Variants in VPS13C observed in about 807,000 individuals in gnomAD.
VPS13C encodes the protein vacuolar protein sorting 13 homolog C, also known as intermembrane lipid transfer protein VPS13C.
In VPS13C, 358 loss-of-function variants were observed where a neutral mutation model predicts 456.8. That is an observed-to-expected ratio of 0.78 (90% CI 0.72 to 0.86). The LOEUF is 0.86. Among genes scored for constraint, VPS13C ranks in the 40% least tolerant of loss-of-function variants. VPS13C has a pLI of 0.00. For synonymous variants in VPS13C, 1,578 were observed against 1,486.7 expected (o/e 1.06, Z -1.41); for missense variants, 4,818 against 4,385.4 (o/e 1.10, Z -2.79).
At chr15:62,012,017 A>G (rs1472820461) in intron 12 of VPS13C, 90 bp downstream of exon 12, 2 of 784,854 alleles carry the variant, frequency 2.5e-6, no homozygotes, top group Non-Finnish European at 4.1e-6. Context: ...TACTTTGACT[A>G]AGTAAGTTTA....
intron 53 of VPS13C, among the ~76,000 whole-genome samples, chr15:61,924,159 G>A (rs868027710): frequency 3.8e-4 from 58 of 151,756 alleles, no homozygotes; most frequent in Admixed American, 1.3e-3. Flanking sequence ...AGGCCACCGC[G>A]CCCGGCCACC....
chr15:61,993,320 C>T (rs2046282572), intron 16 of VPS13C, among the ~76,000 whole-genome samples: 1 of 151,928 alleles, frequency 6.6e-6, no homozygotes, highest in African/African-American at 2.4e-5. Flanking sequence ...TTCTTAGCTA[C>T]CATAAAAATT....
At chr15:61,981,219 C>A (rs1489922505) in intron 22 of VPS13C, 123 bp downstream of exon 22, 1 of 1,190,278 alleles carries the variant, frequency 8.4e-7, no homozygotes, top group Non-Finnish European at 1.1e-6. Flanking sequence ...GCTTGAAACA[C>A]AGGCTAAAAA....
intron 81 of VPS13C, chr15:61,866,705 A>C: frequency 2.0e-6 from 2 of 985,186 alleles, no homozygotes; most frequent in Non-Finnish European, 2.4e-6. Context: ...TTGGTCCCTT[A>C]AGGACAGAAG....
rs372135889 is a variant in VPS13C, at chr15:61,967,209, A to G, written c.2991+159T>C. 3.9e-5 allele frequency among the ~76,000 whole-genome samples: 6 copies of G among 152,130 alleles called. No individual in the cohort carries two copies. The South Asian group carries it at 1.2e-3, about 32-fold the overall frequency. ...TAATAATAGCCCCGTACTTAAGTGA[A>G]AGAAAAGAAGGTGTACAAATGAAAA... On this transcript the variant is annotated intron_variant, in intron 29 of 84. Transcript: ENST00000644861.
Position 62,028,369 on chromosome 15 carries a change from T to C in VPS13C, c.437A>G (p.Asp146Gly), listed in dbSNP as rs1347461520. Reference sequence around the variant, plus strand: ...CCATGCATACCCACCAGGCTTGATGTCCTTGTAAACAAAGTTCTCCAAGCC... The same window carrying C: ...CCATGCATACCCACCAGGCTTGATGCCCTTGTAAACAAAGTTCTCCAAGCC... Reference protein sequence around the residue: ...IYGLENFVYKDIKPGRKRKKH... With the variant: ...IYGLENFVYKGIKPGRKRKKH... Residue 146 changes from aspartate (D) to glycine (G), a missense_variant, in exon 6 of 85, where the codon GAC becomes GGC. By Grantham distance (94) the Asp-to-Gly change is moderately conservative. This residue lies in a region of VPS13C where 4,552 missense variants were observed against 4,130.6 expected (regional missense o/e 1.10). Transcript: ENST00000644861. 1 of 1,613,024 alleles carries C rather than the reference T, an allele frequency of 6.2e-7. No homozygotes were observed. The highest frequency in any genetic ancestry group is 1.1e-5 in the South Asian group (1 of 91,034).
intron 16 of VPS13C, among the ~76,000 whole-genome samples, chr15:61,996,665 T>TA (rs71431420): frequency 0.035 from 5,270 of 150,376 alleles, 133 homozygotes; most frequent in Non-Finnish European, 0.049. Flanking sequence ...ATGCAAACTA[T>TA]AAAAAAAAAC....
At chr15:62,005,487 T>C (rs2046800521) in intron 15 of VPS13C, among the ~76,000 whole-genome samples, 1 of 152,132 alleles carries the variant, frequency 6.6e-6, no homozygotes, top group South Asian at 2.1e-4. Context: ...CCAGTCTGTG[T>C]CTTTTAATTG....
At chr15:62,012,221 GACACACACACACACAC>G (rs67220908) in intron 11 of VPS13C, 57 bp from the exon 12 acceptor site, 3 of 510,376 alleles carry the variant, frequency 5.9e-6, no homozygotes, top group Non-Finnish European at 7.1e-6. Flanking sequence ...TTCAGACTCA[GACACACACACACACAC>G]ACACACACAC....
rs767087754 is a variant in VPS13C at position 61,921,992 on chromosome 15, CA to C, written c.7016del (p.Leu2339ArgfsTer13). On this transcript the variant is annotated frameshift_variant, in exon 55 of 85. Coordinates refer to ENST00000644861, the MANE Select transcript of VPS13C (RefSeq NM_020821.3). LOFTEE classifies it high-confidence loss of function. The stretch of plus-strand genomic sequence containing the variant: ...GTCTCTTCCCCTCCACTCTCTCAAT[CA>C]GTGGCTCCCAGACAGCATGGATCTC... ...YNEIHAVWEP[L>X]IERVEGKRQW... 6.2e-7 allele frequency: 1 copy of C among 1,613,696 alleles called. No homozygotes were observed. Among genetic ancestry groups the C allele is most frequent in the South Asian group, 1.1e-5 (1 of 91,074 alleles).
At position 61,984,968 on chromosome 15, in the gene VPS13C, A is replaced by G. The variant is rs143080568; in HGVS notation, c.1610T>C (p.Val537Ala). ...YVAHIMTLKL[V>A]STSVTIRENK... is the part of the protein sequence containing the mutation. ...TTCTCTTATCGTAACAGAGGTGCTTACTAACTTCAGGGTCATAATATGGGC... is the reference window on the plus strand; with the variant it reads ...TTCTCTTATCGTAACAGAGGTGCTTGCTAACTTCAGGGTCATAATATGGGC... The change falls in exon 19 of 85, where the codon GTA (valine) becomes GCA (alanine). Residue 537 changes from valine to alanine, a missense_variant. Physicochemically the swap from Val to Ala is moderately conservative, Grantham distance 64. Transcript: ENST00000644861. The G allele has an allele frequency of 2.0e-5, 32 of 1,600,798 alleles. No individual in the cohort carries two copies. The African/African-American group carries it at 4.3e-4, about 22-fold the overall frequency.
rs2140659341 is a variant in VPS13C, at chr15:62,035,064, T to G, written c.188-12A>C. The G allele has an allele frequency of 6.4e-7, 1 of 1,574,616 alleles. No individual in the cohort carries two copies. Among genetic ancestry groups the G allele is most frequent in the Non-Finnish European group, 8.7e-7 (1 of 1,150,166 alleles). On this transcript the variant is annotated splice_polypyrimidine_tract_variant and intron_variant, in intron 3 of 84. Transcript: ENST00000644861. Reference sequence around the variant, plus strand: ...CAAAGTTAATTTATCTAAGGAAACATAATTTCAACCTTAAATTATTATTTG... The same window carrying G: ...CAAAGTTAATTTATCTAAGGAAACAGAATTTCAACCTTAAATTATTATTTG...
intron 16 of VPS13C, among the ~76,000 whole-genome samples, chr15:61,996,854 C>A (rs1381865776): frequency 6.9e-6 from 1 of 145,758 alleles, no homozygotes; most frequent in Admixed American, 7.0e-5. Context: ...GAACAGAGCA[C>A]CAAAAGGTCT....
In VPS13C at chr15:62,008,390, T is replaced by C. The variant is rs370006266; in HGVS notation, c.1118+265A>G. Among the ~76,000 whole-genome samples the C allele has an allele frequency of 4.6e-5, 7 of 151,644 alleles. No homozygotes were observed. The East Asian group carries it at 9.7e-4, about 21-fold the overall frequency. ...ACTCCAGCATGGGGACACAGCAAGA[T>C]TCTATCTCAAAAAAAAAAAGAATTT... is the stretch of plus-strand genomic sequence containing the variant. On this transcript the variant is annotated intron_variant, in intron 14 of 84. Transcript: ENST00000644861.
intron 1 of VPS13C, among the ~76,000 whole-genome samples, chr15:62,047,871 T>C (rs1471973201): frequency 6.6e-6 from 1 of 152,154 alleles, no homozygotes; most frequent in Non-Finnish European, 1.5e-5. Context: ...CCCCTAAAAA[T>C]CAACCATTTT....
At chr15:61,988,003 T>C (rs1054402718) in intron 18 of VPS13C, among the ~76,000 whole-genome samples, 1 of 151,752 alleles carries the variant, frequency 6.6e-6, no homozygotes, top group Non-Finnish European at 1.5e-5. Flanking sequence ...AGGAAATAGA[T>C]AAAAAATTAT....
chr15:61,887,282 C>T (rs1055782876), intron 67 of VPS13C, among the ~76,000 whole-genome samples: 5 of 152,072 alleles, frequency 3.3e-5, no homozygotes, highest in African/African-American at 9.7e-5. Context: ...AACAGAATAC[C>T]ATTTACATTA....
chr15:61,984,749 A>C lies in VPS13C; in HGVS notation c.1721+108T>G, dbSNP rs908759143. 98 of 1,145,878 alleles carry C rather than the reference A, an allele frequency of 8.6e-5. 2 individuals are homozygous for C. The Middle Eastern group carries it at 6.1e-3, about 71-fold the overall frequency. 71.0% of individuals were successfully genotyped at this position (1,145,878 alleles called of 1,614,324 possible). On this transcript the variant is annotated intron_variant, in intron 19 of 84. Coordinates refer to ENST00000644861, the MANE Select transcript of VPS13C (RefSeq NM_020821.3). ...AGGCTATCTTGACATATACAAGGAA[A>C]AGAAATTAAAGAGCTGGCACTAATC...
chr15:61,948,785 G>A lies in VPS13C; in HGVS notation c.4759+658C>T, dbSNP rs565487062. ...TACAGGTAAAACTCAAACTCGTAAC[G>A]ATCTGAAAACTGAATTACTAGATGT... On this transcript the variant is annotated intron_variant, in intron 42 of 84. Transcript: ENST00000644861. 3.0e-4 allele frequency among the ~76,000 whole-genome samples: 46 copies of A among 151,892 alleles called. No individual in the cohort carries two copies. The South Asian group carries it at 8.3e-3, about 28-fold the overall frequency.
Sources: allele counts gnomAD v4.1 joint callset (sites outside exome capture counted in the v4.1 genomes callset), GRCh38; gene constraint gnomAD v4.1.1; regional missense constraint gnomAD v4.1.1; transcripts MANE v1.5; gene names NCBI Gene and HGNC (gene_info 2026-07-23, HGNC 2026-07-21).